Variants in RNF38 observed in about 807,000 individuals in gnomAD.
RNF38 encodes E3 ubiquitin-protein ligase RNF38.
A neutral mutation model predicts 67.2 loss-of-function variants in RNF38; 15 were observed. That is an observed-to-expected ratio of 0.22 (90% CI 0.15 to 0.34). RNF38 has a LOEUF of 0.34. Among genes scored for constraint, RNF38 ranks in the 10% least tolerant of loss-of-function variants. RNF38 has a pLI of 1.00. For missense variants in RNF38, 524 were observed against 639.9 expected, an observed-to-expected ratio of 0.82 and a Z score of 1.95; for synonymous variants, 220 against 218.8, an observed-to-expected ratio of 1.01 and a Z score of -0.05.
At chr9:36,464,802 T>A (rs892944528) in intron 1 of RNF38, among the ~76,000 whole-genome samples, 1 of 152,140 alleles carries the variant, frequency 6.6e-6, no homozygotes, top group Non-Finnish European at 1.5e-5. Flanking sequence ...GGAACATTTT[T>A]AAAAATCATT....
intron 2 of RNF38, among the ~76,000 whole-genome samples, chr9:36,377,565 T>A (rs1342671584): frequency 6.6e-6 from 1 of 152,144 alleles, no homozygotes; most frequent in Admixed American, 6.5e-5. Flanking sequence ...CACAAAAGCA[T>A]TTTGTTCTAA....
At chr9:36,398,185 G>A (rs1837688464) in intron 1 of RNF38, among the ~76,000 whole-genome samples, 1 of 152,246 alleles carries the variant, frequency 6.6e-6, no homozygotes, top group Non-Finnish European at 1.5e-5. Flanking sequence ...AGTCTAGTGA[G>A]GGACAATTAA....
intron 1 of RNF38, among the ~76,000 whole-genome samples, chr9:36,432,700 G>A (rs1838959601): frequency 6.6e-6 from 1 of 152,046 alleles, no homozygotes; most frequent in African/African-American, 2.4e-5. Flanking sequence ...GGCTGAGGCA[G>A]GAGAATCACT....
intron 11 of RNF38, 55 bp downstream of exon 11, chr9:36,342,270 G>T: frequency 8.1e-7 from 1 of 1,235,498 alleles, no homozygotes; most frequent in Non-Finnish European, 1.2e-6. Context: ...TCTAATCCAT[G>T]GTCAATAAAA....
chr9:36,429,752 C>T (rs899833721), intron 1 of RNF38, among the ~76,000 whole-genome samples: 1 of 152,136 alleles, frequency 6.6e-6, no homozygotes. Flanking sequence ...TGAGATCACG[C>T]CACTGCACTC....
At chr9:36,463,146 C>T (rs1333814541) in intron 1 of RNF38, among the ~76,000 whole-genome samples, 1 of 152,102 alleles carries the variant, frequency 6.6e-6, no homozygotes, top group Non-Finnish European at 1.5e-5. Context: ...CACTTATCAT[C>T]CTTATGGCAT....
rs1839338904 is a variant in RNF38, at chr9:36,447,646, A to G, written n.242-22963T>C. ...AAGCCTAATGAAAATATGCATTTTAATATAATCTGAACTCTTCAGCTGTCT... is the reference window on the plus strand; with the variant it reads ...AAGCCTAATGAAAATATGCATTTTAGTATAATCTGAACTCTTCAGCTGTCT... On this transcript the variant is annotated intron_variant and non_coding_transcript_variant, in intron 1 of 3. Transcript: ENST00000488058. Among the ~76,000 whole-genome samples the G allele has an allele frequency of 2.6e-5, 4 of 152,224 alleles. No individual in the cohort carries two copies. The South Asian group carries it at 8.3e-4, about 32-fold the overall frequency.
chr9:36,453,204 G>A (rs1183339187), intron 1 of RNF38, among the ~76,000 whole-genome samples: 3 of 152,066 alleles, frequency 2.0e-5, no homozygotes, highest in Non-Finnish European at 4.4e-5. Context: ...CAAGTGTGAA[G>A]TGGAAATATT....
intron 1 of RNF38, among the ~76,000 whole-genome samples, chr9:36,398,262 C>A (rs1250630306): frequency 6.6e-6 from 1 of 151,944 alleles, no homozygotes; most frequent in African/African-American, 2.4e-5. Context: ...AGTTCAGATC[C>A]TTAACAAAGG....
intron 1 of RNF38, among the ~76,000 whole-genome samples, chr9:36,446,143 T>C (rs180874521): frequency 2.0e-4 from 31 of 152,302 alleles, no homozygotes; most frequent in Non-Finnish European, 2.2e-4. Context: ...TGTCAGGCAG[T>C]TTCCCAGTGA....
intron 1 of RNF38, among the ~76,000 whole-genome samples, chr9:36,483,206 T>C (rs1260729783): frequency 6.6e-6 from 1 of 151,984 alleles, no homozygotes; most frequent in East Asian, 1.9e-4. Context: ...GCCAACATGG[T>C]GAAACCCCGT....
At chr9:36,430,363 C>T (rs768575060) in intron 1 of RNF38, among the ~76,000 whole-genome samples, 5 of 152,110 alleles carry the variant, frequency 3.3e-5, no homozygotes, top group Admixed American at 1.3e-4. Context: ...TGCGCCACCA[C>T]GCCTGGCTAA....
At chr9:36,452,743 G>A (rs1017489151) in intron 1 of RNF38, among the ~76,000 whole-genome samples, 8 of 152,162 alleles carry the variant, frequency 5.3e-5, no homozygotes, top group African/African-American at 1.4e-4. Context: ...ATGTTGGCCA[G>A]GCTGGTCTCA....
chr9:36,404,199 A>T (rs765207237), upstream of RNF38, among the ~76,000 whole-genome samples: 1 of 152,250 alleles, frequency 6.6e-6, no homozygotes, highest in Non-Finnish European at 1.5e-5. Flanking sequence ...TCATATACTG[A>T]AAAAGACTTG....
chr9:36,421,917 A>C (rs1263330533), intron 2 of RNF38, among the ~76,000 whole-genome samples: 1 of 149,496 alleles, frequency 6.7e-6, no homozygotes, highest in Admixed American at 6.6e-5. Flanking sequence ...TCCCCAGAAT[A>C]ACACCTGATG....
chr9:36,373,987 G>A (rs774200131), intron 3 of RNF38, among the ~76,000 whole-genome samples: 30 of 152,034 alleles, frequency 2.0e-4, no homozygotes, highest in Non-Finnish European at 3.5e-4. Flanking sequence ...CACTGCGCCC[G>A]GCCTGCCTTT....
intron 1 of RNF38, among the ~76,000 whole-genome samples, chr9:36,451,792 A>C (rs1166341697): frequency 6.6e-6 from 1 of 151,080 alleles, no homozygotes; most frequent in Admixed American, 6.6e-5. Flanking sequence ...TAGCCACTGC[A>C]CCCGGCTTGC....
At chr9:36,475,900 T>C (rs148417407) in intron 1 of RNF38, among the ~76,000 whole-genome samples, 7,527 of 150,112 alleles carry the variant, frequency 0.05, 579 homozygotes, top group African/African-American at 0.17. Context: ...TCCCAGCTAC[T>C]CTGGAGGCTG....
chr9:36,359,762 TTCGCCCAGGCTCCAGCCTTG>T (rs1289662207), intron 4 of RNF38, among the ~76,000 whole-genome samples: 2 of 151,688 alleles, frequency 1.3e-5, no homozygotes, highest in South Asian at 2.1e-4. Flanking sequence ...GAGATGGAGT[TTCGCCCAGGCTCCAGCCTTG>T]TCGCCCAGGC....
Sources: gnomAD v4.1 joint callset for allele counts (sites outside exome capture counted in the v4.1 genomes callset) on GRCh38, gnomAD v4.1.1 for gene constraint, MANE v1.5 for transcripts, NCBI Gene and HGNC (gene_info 2026-07-23, HGNC 2026-07-21) for gene names.